The following ARHGAP32 variants were observed in gnomAD, a reference collection of about 807,000 sequenced individuals.
ARHGAP32 encodes the protein rho GTPase-activating protein 32.
In ARHGAP32, 51 loss-of-function variants were observed where a neutral mutation model predicts 186.5. The observed-to-expected ratio is 0.27, with a 90% confidence interval of 0.22 to 0.35. ARHGAP32 has a LOEUF of 0.35. ARHGAP32 is among the 10% of genes least tolerant of loss of function. The pLI, the probability that ARHGAP32 is intolerant of heterozygous loss-of-function variation, is 1.00. For missense variants in ARHGAP32, 2,186 were observed against 2,623.5 expected, an observed-to-expected ratio of 0.83 and a Z score of 3.64; for synonymous variants, 950 against 964.3, an observed-to-expected ratio of 0.99 and a Z score of 0.27.
chr11:129,057,701 TAAA>T (rs34991638), intron 10 of ARHGAP32, among the ~76,000 whole-genome samples: 22 of 130,186 alleles, frequency 1.7e-4, no homozygotes, highest in East Asian at 4.6e-4. Flanking sequence ...TAGCGTTTGA[TAAA>T]AAAAAAAAAA....
intron 6 of ARHGAP32, among the ~76,000 whole-genome samples, chr11:129,082,882 AAACAAC>A (rs749344692): frequency 0.019 from 2,926 of 151,680 alleles, 31 homozygotes; most frequent in South Asian, 0.032. Context: ...CAGCAAGACA[AAACAAC>A]AACAACAACA....
At chr11:128,986,709 GGA>G in intron 13 of ARHGAP32, 41 bp from the exon 14 acceptor site, 1 of 1,602,576 alleles carries the variant, frequency 6.2e-7, no homozygotes, top group Non-Finnish European at 8.5e-7. Flanking sequence ...ATTTGATTGA[GGA>G]GAGCAAATAT....
At chr11:128,979,037 A>C in intron 18 of ARHGAP32, 122 bp from the exon 19 acceptor site, 4 of 830,822 alleles carry the variant, frequency 4.8e-6, no homozygotes, top group Non-Finnish European at 7.3e-6. Context: ...TGAAACAGTA[A>C]GCAAACATCC....
chr11:129,216,683 A>T (rs1009046253), intron 1 of ARHGAP32, among the ~76,000 whole-genome samples: 22 of 147,016 alleles, frequency 1.5e-4, no homozygotes, highest in African/African-American at 5.5e-4. Context: ...AAAAAAAAAA[A>T]AAAAAAAAAA....
At chr11:129,146,198 A>G (rs1943164166) in intron 2 of ARHGAP32, among the ~76,000 whole-genome samples, 1 of 152,190 alleles carries the variant, frequency 6.6e-6, no homozygotes, top group Non-Finnish European at 1.5e-5. Flanking sequence ...TTTTATTCAA[A>G]TTGAAAATGT....
intron 1 of ARHGAP32, among the ~76,000 whole-genome samples, chr11:129,227,581 C>A (rs7118214): frequency 0.64 from 97,596 of 151,670 alleles, 31,757 homozygotes; most frequent in Non-Finnish European, 0.7. Flanking sequence ...GATGGAAAAG[C>A]TATTTCATGA....
chr11:129,052,070 G>T (rs1048948577), intron 10 of ARHGAP32, among the ~76,000 whole-genome samples: 7 of 151,314 alleles, frequency 4.6e-5, no homozygotes, highest in Admixed American at 4.6e-4. Flanking sequence ...AAACATTTAG[G>T]TATATTATCT....
intron 11 of ARHGAP32, among the ~76,000 whole-genome samples, chr11:129,026,504 A>G (rs997446734): frequency 1.3e-5 from 2 of 152,142 alleles, no homozygotes; most frequent in African/African-American, 4.8e-5. Context: ...CATAAAAACT[A>G]CTTGAGTGGG....
At position 128,965,422 on chromosome 11, in the gene ARHGAP32, A is replaced by G. The variant is rs1945200283; in HGVS notation, c.*3485T>C. 1 of 152,148 alleles carries G rather than the reference A, an allele frequency of 6.6e-6. No individual in the cohort carries two copies. The allele number at this position is 152,148 out of a possible 1,614,324, so 9.4% of individuals were successfully genotyped here. A position where few individuals can be genotyped will look rare whatever the true frequency, so the allele number is the denominator to read the frequency against. Reference sequence around the variant, plus strand: ...TAAAAACTCAAAAGTATGATCTAAGACTTCCTAGGATGCTTCTCTCATGCA... The same window carrying G: ...TAAAAACTCAAAAGTATGATCTAAGGCTTCCTAGGATGCTTCTCTCATGCA... On this transcript the variant is annotated 3_prime_UTR_variant, in exon 23 of 23. Transcript: ENST00000682385.
intron 11 of ARHGAP32, among the ~76,000 whole-genome samples, chr11:129,016,353 G>C (rs1209117985): frequency 2.6e-5 from 4 of 152,130 alleles, no homozygotes; most frequent in African/African-American, 9.7e-5. Flanking sequence ...TTTAGGTACA[G>C]AAATCATTCT....
intron 11 of ARHGAP32, among the ~76,000 whole-genome samples, chr11:129,031,890 T>C (rs1450969482): frequency 6.6e-6 from 1 of 152,118 alleles, no homozygotes; most frequent in Non-Finnish European, 1.5e-5. Flanking sequence ...AGCCGGACGT[T>C]TGAGAGAAGC....
Position 128,972,887 on chromosome 11 carries a change from G to A in ARHGAP32, c.3619C>T (p.Pro1207Ser), listed in dbSNP as rs1327949270. The change falls in exon 22 of 23, where the codon CCA becomes TCA. Residue 1207 changes from proline to serine, a missense_variant. Pro to Ser is a moderately conservative substitution (Grantham distance 74). Transcript: ENST00000682385. The part of the protein sequence containing the change: ...PEDQSGKNSM[P>S]TVSFLDQDQS... ...TCCTGATCCAAGAAGGAGACAGTTGGCATACTGTTCTTCCCAGACTGGTCT... is the reference window on the plus strand; with the variant it reads ...TCCTGATCCAAGAAGGAGACAGTTGACATACTGTTCTTCCCAGACTGGTCT... 1 of 1,613,808 alleles carries A rather than the reference G, an allele frequency of 6.2e-7. No individual in the cohort carries two copies. The highest frequency in any genetic ancestry group is 1.3e-5 in the African/African-American group (1 of 74,840).
Position 129,115,045 on chromosome 11 carries a change from T to A in ARHGAP32, c.444+8401A>T, listed in dbSNP as rs368397870. Reference sequence around the variant, plus strand: ...GGAAAGAGTTCTTTTCTTTTATTCATCTTTTGTAGTTCTATAATGGCTGCA... The same window carrying A: ...GGAAAGAGTTCTTTTCTTTTATTCAACTTTTGTAGTTCTATAATGGCTGCA... On this transcript the variant is annotated intron_variant, in intron 5 of 22. Transcript: ENST00000682385. 2.2e-3 allele frequency among the ~76,000 whole-genome samples: 335 copies of A among 152,258 alleles called. 2 individuals are homozygous for A. In the South Asian group the frequency reaches 0.033, roughly 15 times the overall value.
Position 128,969,196 on chromosome 11 carries a change from T to C in ARHGAP32, c.6017A>G (p.His2006Arg), listed in dbSNP as rs767665521. 2.5e-6 allele frequency: 4 copies of C among 1,614,004 alleles called. No individual in the cohort carries two copies. The highest frequency in any genetic ancestry group is 3.4e-6 in the Non-Finnish European group (4 of 1,179,916). Residue 2006 changes from histidine (H) to arginine (R), a missense_variant, in exon 23 of 23, where the codon CAT becomes CGT. Physicochemically the swap from His to Arg is conservative, Grantham distance 29 (BLOSUM62 0). Transcript: ENST00000682385. This position sits in a 1 kb window ranked among gnomAD's most constrained non-coding sequence, Gnocchi z 4.8. ...GTCCCTCTCCACGTTCTGGGTATGA[T>C]GGAGTTTGAGGCTATGACTCCTCTC... The part of the protein sequence containing the change: ...KPERSHSLKL[H>R]HTQNVERDPS...
intron 6 of ARHGAP32, among the ~76,000 whole-genome samples, chr11:129,068,065 C>T (rs1310588318): frequency 1.3e-5 from 2 of 152,026 alleles, no homozygotes; most frequent in Non-Finnish European, 2.9e-5. Flanking sequence ...GTCCTGGTCC[C>T]TATTCTAAGA....
intron 1 of ARHGAP32, among the ~76,000 whole-genome samples, chr11:129,234,326 G>T (rs1448076244): frequency 6.6e-6 from 1 of 151,878 alleles, no homozygotes; most frequent in African/African-American, 2.4e-5. Flanking sequence ...TATAAAAAAT[G>T]ACTAACTCTC....
At chr11:129,084,504 T>C (rs1196062619) in intron 6 of ARHGAP32, among the ~76,000 whole-genome samples, 1 of 152,096 alleles carries the variant, frequency 6.6e-6, no homozygotes, top group Non-Finnish European at 1.5e-5. Context: ...GGTTCAACAT[T>C]TGAAAATCAA....
chr11:129,056,884 C>T (rs1940273602), intron 10 of ARHGAP32, among the ~76,000 whole-genome samples: 1 of 152,200 alleles, frequency 6.6e-6, no homozygotes, highest in Admixed American at 6.5e-5. Context: ...ATCCTTGCTC[C>T]TCTTCCCTTC....
chr11:128,985,962 C>A, intron 15 of ARHGAP32, 41 bp downstream of exon 15: 1 of 1,495,320 alleles, frequency 6.7e-7, no homozygotes, highest in Non-Finnish European at 9.0e-7. Context: ...ACAGGTCAAC[C>A]GACTTCTACC....
Sources: gnomAD v4.1 joint callset for allele counts (sites outside exome capture counted in the v4.1 genomes callset) on GRCh38, gnomAD v4.1.1 for gene constraint, Gnocchi (gnomAD v3.1) non-coding constraint, MANE v1.5 for transcripts, NCBI Gene and HGNC (gene_info 2026-07-23, HGNC 2026-07-21) for gene names.